The following DLC1 variants were observed in gnomAD, a reference collection of about 807,000 sequenced individuals.
DLC1 encodes rho GTPase-activating protein 7.
Under a neutral mutation model 140.3 loss-of-function variants are expected in DLC1, and 54 were observed. The ratio of observed to expected loss-of-function variants is 0.38; its 90% CI spans 0.31 to 0.48. DLC1 has a LOEUF of 0.48. DLC1 is among the 20% of genes least tolerant of loss of function. The pLI, the probability that DLC1 is intolerant of heterozygous loss-of-function variation, is 0.96. For synonymous variants in DLC1, 986 were observed against 728.1 expected (o/e 1.35, Z -5.70); for missense variants, 2,536 against 1,907.0 (o/e 1.33, Z -6.14).
intron 4 of DLC1, among the ~76,000 whole-genome samples, chr8:13,325,548 G>T (rs187966584): frequency 6.6e-6 from 1 of 152,106 alleles, no homozygotes; most frequent in Non-Finnish European, 1.5e-5. Flanking sequence ...GGTAGTTTCT[G>T]AAGCCTGATC....
At chr8:13,445,754 C>T (rs1345992613) in intron 2 of DLC1, among the ~76,000 whole-genome samples, 2 of 152,134 alleles carry the variant, frequency 1.3e-5, no homozygotes, top group South Asian at 2.1e-4. Flanking sequence ...ACAAAAGTAA[C>T]CCAGACATCT....
At chr8:13,473,681 T>C (rs1800312216) in intron 2 of DLC1, among the ~76,000 whole-genome samples, 1 of 152,044 alleles carries the variant, frequency 6.6e-6, no homozygotes, top group Admixed American at 6.5e-5. Flanking sequence ...CAGGCTGAAG[T>C]GGTCTCAGAT....
intron 4 of DLC1, among the ~76,000 whole-genome samples, chr8:13,393,120 C>G (rs1836840583): frequency 6.6e-6 from 1 of 152,000 alleles, no homozygotes; most frequent in Non-Finnish European, 1.5e-5. Context: ...CCTTATCAAT[C>G]AATCAGTCTA....
intron 5 of DLC1, among the ~76,000 whole-genome samples, chr8:13,199,177 C>CTTTTTTTTTTTTTTTTTTTTTTT (rs71207132): frequency 1.1e-5 from 1 of 93,288 alleles, no homozygotes; most frequent in African/African-American, 4.2e-5. Context: ...TTCTCTTTTT[C>CTTTTTTTTTTTTTTTTTTTTTTT]TTTTTTTTTT....
chr8:13,221,226 G>A (rs1283442223), intron 5 of DLC1, among the ~76,000 whole-genome samples: 1 of 152,102 alleles, frequency 6.6e-6, no homozygotes, highest in African/African-American at 2.4e-5. Flanking sequence ...AGACACCACT[G>A]ACCCGGATGA....
chr8:13,222,160 G>C (rs1470641449), intron 5 of DLC1, among the ~76,000 whole-genome samples: 1 of 151,602 alleles, frequency 6.6e-6, no homozygotes, highest in Admixed American at 6.6e-5. Context: ...ATTACAGAGA[G>C]GTATTTCACA....
intron 4 of DLC1, among the ~76,000 whole-genome samples, chr8:13,329,469 C>A (rs920233639): frequency 6.6e-6 from 1 of 152,266 alleles, no homozygotes; most frequent in Non-Finnish European, 1.5e-5. Context: ...TAACCCCAGT[C>A]ATCACCTAAT....
At chr8:13,105,847 G>A (rs1819522102) in intron 7 of DLC1, among the ~76,000 whole-genome samples, 1 of 152,104 alleles carries the variant, frequency 6.6e-6, no homozygotes, top group South Asian at 2.1e-4. Context: ...CAAAGTGCTA[G>A]GATCACAGGC....
chr8:13,189,811 G>A (rs1409191469), intron 5 of DLC1, among the ~76,000 whole-genome samples: 2 of 152,050 alleles, frequency 1.3e-5, no homozygotes, highest in Admixed American at 6.6e-5. Flanking sequence ...GAAACCGGGA[G>A]GCAGAGGTTG....
chr8:13,549,986 A>C (rs1226764858), intron 1 of DLC1, among the ~76,000 whole-genome samples: 3 of 152,158 alleles, frequency 2.0e-5, no homozygotes, highest in Non-Finnish European at 4.4e-5. Flanking sequence ...AAAGGCAGGT[A>C]CTGAAATTGA....
intron 5 of DLC1, among the ~76,000 whole-genome samples, chr8:13,283,337 C>A (rs1831431732): frequency 1.3e-5 from 2 of 150,494 alleles, no homozygotes; most frequent in Admixed American, 1.3e-4. Context: ...GAAAAGAAAT[C>A]AACTTTTTTT....
chr8:13,149,198 C>G (rs1347374333), intron 5 of DLC1, among the ~76,000 whole-genome samples: 1 of 152,142 alleles, frequency 6.6e-6, no homozygotes. Context: ...CTCAAGTAAA[C>G]TTTCAAAACT....
chr8:13,460,130 T>C lies in DLC1; in HGVS notation c.1023+38919A>G, dbSNP rs555507089. On this transcript the variant is annotated intron_variant, in intron 2 of 17. Transcript: ENST00000276297. ...TCTCGATCAAGAATGGTTGAGCACATGAGCACATGAATCCTTACCTGATAT... is the reference window on the plus strand; with the variant it reads ...TCTCGATCAAGAATGGTTGAGCACACGAGCACATGAATCCTTACCTGATAT... 1.0e-3 allele frequency among the ~76,000 whole-genome samples: 152 copies of C among 152,328 alleles called. 1 individual carries two copies. Among genetic ancestry groups the C allele is most frequent in the African/African-American group, 3.5e-3 (146 of 41,574 alleles).
chr8:13,555,809 A>AT (rs78986507), intron 1 of DLC1, among the ~76,000 whole-genome samples: 1,626 of 146,870 alleles, frequency 0.011, 24 homozygotes, highest in African/African-American at 0.034. Context: ...GCCTTGTAGC[A>AT]TTTTTTTTTT....
chr8:13,154,488 C>T (rs973893262), intron 5 of DLC1, among the ~76,000 whole-genome samples: 85 of 152,332 alleles, frequency 5.6e-4, no homozygotes, highest in African/African-American at 1.7e-3. Flanking sequence ...CCAGCTGCTC[C>T]GAGTGCGGGG....
intron 5 of DLC1, among the ~76,000 whole-genome samples, chr8:13,161,816 C>T (rs935545914): frequency 4.6e-5 from 7 of 152,144 alleles, no homozygotes; most frequent in African/African-American, 1.7e-4. Flanking sequence ...GCAATGCGAA[C>T]TCATGTTCAG....
At chr8:13,283,279 AG>A (rs1563222811) in intron 5 of DLC1, among the ~76,000 whole-genome samples, 1 of 151,302 alleles carries the variant, frequency 6.6e-6, no homozygotes, top group Non-Finnish European at 1.5e-5. Flanking sequence ...CTGTGTACCA[AG>A]GGATCCTACT....
intron 5 of DLC1, among the ~76,000 whole-genome samples, chr8:13,139,971 C>T (rs1822851836): frequency 6.6e-6 from 1 of 152,164 alleles, no homozygotes; most frequent in African/African-American, 2.4e-5. Flanking sequence ...ACAGTGCATT[C>T]ACGTTATTGT....
intron 1 of DLC1, among the ~76,000 whole-genome samples, chr8:13,506,593 A>ATATATATATACACG (rs1802087679): frequency 7.5e-6 from 1 of 133,678 alleles, no homozygotes; most frequent in Admixed American, 8.1e-5. Context: ...ATATATATAT[A>ATATATATATACACG]TATATATATA....
Sources: allele counts gnomAD v4.1 joint callset (sites outside exome capture counted in the v4.1 genomes callset), GRCh38; gene constraint gnomAD v4.1.1; transcripts MANE v1.5; gene names NCBI Gene and HGNC (gene_info 2026-07-23, HGNC 2026-07-21).